SPPL3: variants seen among roughly 807,000 people sequenced by gnomAD.
The protein encoded by SPPL3 is signal peptide peptidase like 3.
A neutral mutation model predicts 42.4 loss-of-function variants in SPPL3; 5 were observed. The observed-to-expected ratio is 0.12, with a 90% CI of 0.06 to 0.25. The LOEUF (loss-of-function observed/expected upper bound fraction) is 0.25. Ranked by LOEUF, SPPL3 falls within the 10% of genes least tolerant of loss-of-function variation. The pLI, the probability that SPPL3 is intolerant of heterozygous loss-of-function variation, is 1.00. For missense variants in SPPL3, 235 were observed against 489.0 expected, an observed-to-expected ratio of 0.48 and a Z score of 4.90; for synonymous variants, 195 against 181.8, an observed-to-expected ratio of 1.07 and a Z score of -0.58.
intron 1 of SPPL3, among the ~76,000 whole-genome samples, chr12:120,868,908 G>A (rs1011115327): frequency 6.6e-6 from 1 of 152,120 alleles, no homozygotes; most frequent in African/African-American, 2.4e-5. Context: ...CATAGCGACT[G>A]CTATAATTCA....
At chr12:120,785,231 C>G (rs1419908632) in intron 3 of SPPL3, among the ~76,000 whole-genome samples, 1 of 151,340 alleles carries the variant, frequency 6.6e-6, no homozygotes, top group Non-Finnish European at 1.5e-5. Flanking sequence ...CAGCGAGACC[C>G]CCGTTTCTAT....
At chr12:120,775,788 C>T (rs566994) in intron 6 of SPPL3, among the ~76,000 whole-genome samples, 114,354 of 152,122 alleles carry the variant, frequency 0.75, 44,105 homozygotes, top group African/African-American at 0.91. Context: ...GGGAAAATCC[C>T]GAAGTCCATT....
intron 1 of SPPL3, among the ~76,000 whole-genome samples, chr12:120,813,013 T>C (rs1004714739): frequency 7.9e-5 from 12 of 152,134 alleles, no homozygotes; most frequent in African/African-American, 2.4e-4. Flanking sequence ...TGGAGTCAGA[T>C]TGAAATTGGG....
chr12:120,809,355 A>C (rs984048930), intron 2 of SPPL3, among the ~76,000 whole-genome samples: 1 of 151,774 alleles, frequency 6.6e-6, no homozygotes, highest in Non-Finnish European at 1.5e-5. Flanking sequence ...AAAAAAAAAA[A>C]CACCAAAAAA....
chr12:120,775,441 C>T (rs757065797), intron 6 of SPPL3, among the ~76,000 whole-genome samples: 10 of 152,162 alleles, frequency 6.6e-5, no homozygotes, highest in Admixed American at 3.3e-4. Flanking sequence ...TGTGAGCCAC[C>T]GTGCCCGGTT....
intron 1 of SPPL3, among the ~76,000 whole-genome samples, chr12:120,829,138 C>T (rs541125210): frequency 6.6e-6 from 1 of 152,144 alleles, no homozygotes; most frequent in African/African-American, 2.4e-5. Flanking sequence ...AAGCCTCACA[C>T]TGTATGCAAA....
chr12:120,770,463 C>A (rs1334510276), intron 6 of SPPL3, among the ~76,000 whole-genome samples: 1 of 152,190 alleles, frequency 6.6e-6, no homozygotes, highest in Non-Finnish European at 1.5e-5. Flanking sequence ...TGCTCGATCA[C>A]TTCCAGCAGG....
At chr12:120,810,524 C>T (rs1870650235) in intron 2 of SPPL3, among the ~76,000 whole-genome samples, 1 of 152,092 alleles carries the variant, frequency 6.6e-6, no homozygotes, top group Admixed American at 6.5e-5. Context: ...AGACTCTCTC[C>T]TTAACCTTCT....
intron 2 of SPPL3, among the ~76,000 whole-genome samples, chr12:120,799,710 A>G (rs1870224364): frequency 6.6e-6 from 1 of 152,280 alleles, no homozygotes; most frequent in Admixed American, 6.5e-5. Flanking sequence ...GAAGCAGACC[A>G]TGGGTCACCG....
chr12:120,820,380 A>G (rs1416498557), intron 1 of SPPL3, among the ~76,000 whole-genome samples: 1 of 148,904 alleles, frequency 6.7e-6, no homozygotes, highest in East Asian at 2.0e-4. Flanking sequence ...CAATGGCACA[A>G]CCTTGGCTCA....
intron 1 of SPPL3, among the ~76,000 whole-genome samples, chr12:120,842,716 A>T (rs1371570220): frequency 6.6e-6 from 1 of 152,036 alleles, no homozygotes. Flanking sequence ...AATCCCATTA[A>T]CGAGGGCTGT....
At chr12:120,806,064 G>A (rs1870478582) in intron 2 of SPPL3, among the ~76,000 whole-genome samples, 2 of 146,686 alleles carry the variant, frequency 1.4e-5, no homozygotes, top group African/African-American at 2.5e-5. Flanking sequence ...GAAATGCAAA[G>A]GATCCAGAGT....
intron 1 of SPPL3, among the ~76,000 whole-genome samples, chr12:120,896,897 T>A (rs993976070): frequency 2.0e-5 from 3 of 152,208 alleles, no homozygotes; most frequent in African/African-American, 4.8e-5. Context: ...CAAAAATAGA[T>A]TATAGAATTT....
intron 1 of SPPL3, among the ~76,000 whole-genome samples, chr12:120,877,805 A>C (rs1873153652): frequency 6.6e-6 from 1 of 151,590 alleles, no homozygotes; most frequent in African/African-American, 2.4e-5. Flanking sequence ...AAAGAAAGAA[A>C]GAAAAAGCAT....
intron 1 of SPPL3, among the ~76,000 whole-genome samples, chr12:120,825,222 A>G (rs947947536): frequency 2.6e-5 from 4 of 152,258 alleles, no homozygotes; most frequent in South Asian, 2.1e-4. Flanking sequence ...ATAAAGTTTT[A>G]CTAAATTAAT....
intron 1 of SPPL3, among the ~76,000 whole-genome samples, chr12:120,821,392 C>T (rs1489846271): frequency 4.6e-5 from 7 of 152,192 alleles, no homozygotes; most frequent in Non-Finnish European, 7.3e-5. Context: ...ACACTGCAGC[C>T]GGAAACAGCC....
chr12:120,893,645 T>C (rs947929800), intron 1 of SPPL3, among the ~76,000 whole-genome samples: 1 of 152,132 alleles, frequency 6.6e-6, no homozygotes, highest in African/African-American at 2.4e-5. Context: ...ACAAATTCAA[T>C]AGCCTGCTTT....
At chr12:120,854,012 A>ACACACACC (rs1872360740) in intron 1 of SPPL3, among the ~76,000 whole-genome samples, 1 of 150,726 alleles carries the variant, frequency 6.6e-6, no homozygotes, top group African/African-American at 2.4e-5. Flanking sequence ...ACACACACAC[A>ACACACACC]CACACACACA....
chr12:120,903,726 A>ACCCC, intron 1 of SPPL3, 119 bp downstream of exon 1: 5 of 509,670 alleles, frequency 9.8e-6, no homozygotes, highest in Non-Finnish European at 1.5e-5. Context: ...GTGCACCCCA[A>ACCCC]CCCGCGCCCC....
Sources: allele counts gnomAD v4.1 joint callset (sites outside exome capture counted in the v4.1 genomes callset), GRCh38; gene constraint gnomAD v4.1.1; transcripts MANE v1.5; gene names NCBI Gene and HGNC (gene_info 2026-07-23, HGNC 2026-07-21).